Variants in MYRIP observed in about 807,000 individuals in gnomAD.
MYRIP encodes myosin VIIA and Rab interacting protein.
MYRIP carries 49 observed loss-of-function variants against 98.0 expected under a neutral mutation model. The ratio of observed to expected loss-of-function variants is 0.50; its 90% CI spans 0.40 to 0.63. The LOEUF (loss-of-function observed/expected upper bound fraction) is 0.63. Ranked by LOEUF, MYRIP falls within the 30% of genes least tolerant of loss-of-function variation. The probability of loss-of-function intolerance (pLI) is 0.00; values close to 1 mark genes in which losing one functional copy is unlikely to be tolerated. For missense variants in MYRIP, 1,004 were observed against 1,058.2 expected (o/e 0.95, Z 0.71); for synonymous variants, 404 against 409.5 (o/e 0.99, Z 0.16).
intron 2 of MYRIP, among the ~76,000 whole-genome samples, chr3:39,924,805 A>G (rs1944381588): frequency 1.3e-5 from 2 of 152,062 alleles, no homozygotes; most frequent in African/African-American, 4.8e-5. Flanking sequence ...CTACAGAAAA[A>G]TAAACAGGAA....
chr3:40,091,987 C>T (rs951060376), intron 3 of MYRIP, among the ~76,000 whole-genome samples: 1 of 152,190 alleles, frequency 6.6e-6, no homozygotes, highest in Admixed American at 6.5e-5. Context: ...CAAAGAGACA[C>T]ATTAGAATAC....
intron 1 of MYRIP, among the ~76,000 whole-genome samples, chr3:39,828,039 GT>G (rs1238963054): frequency 2.0e-5 from 3 of 151,968 alleles, no homozygotes; most frequent in Non-Finnish European, 2.9e-5. Context: ...ACTTTTGACA[GT>G]TTGACTGTAA....
intron 2 of MYRIP, among the ~76,000 whole-genome samples, chr3:39,960,249 A>G (rs1411170768): frequency 1.3e-5 from 2 of 152,144 alleles, no homozygotes; most frequent in Non-Finnish European, 2.9e-5. Context: ...TAGTCTGTTT[A>G]TAGTGTCAGT....
Position 40,101,807 on chromosome 3 carries a change from G to C in MYRIP, c.333-49241G>C, listed in dbSNP as rs182896296. 3.4e-3 allele frequency among the ~76,000 whole-genome samples: 511 copies of C among 151,682 alleles called. 3 individuals are homozygous for C. Among genetic ancestry groups the C allele is most frequent in the Non-Finnish European group, 5.7e-3 (385 of 67,888 alleles). Reference sequence around the variant, plus strand: ...TCCTTCAACTTTCTTTATTGTGTTTGTTTTGGTATTTATCTTTAACGATAG... The same window carrying C: ...TCCTTCAACTTTCTTTATTGTGTTTCTTTTGGTATTTATCTTTAACGATAG... On this transcript the variant is annotated intron_variant, in intron 3 of 16. Transcript: ENST00000302541.
intron 11 of MYRIP, among the ~76,000 whole-genome samples, chr3:40,216,589 A>G (rs1952125724): frequency 6.6e-6 from 1 of 152,180 alleles, no homozygotes. Context: ...AGAATGCAAA[A>G]TAAAGTGAAT....
At chr3:40,099,110 C>A (rs1460239474) in intron 3 of MYRIP, among the ~76,000 whole-genome samples, 1 of 152,146 alleles carries the variant, frequency 6.6e-6, no homozygotes, top group Non-Finnish European at 1.5e-5. Flanking sequence ...GTAGAACTTT[C>A]TGGTGACCAC....
intron 3 of MYRIP, among the ~76,000 whole-genome samples, chr3:40,149,984 T>A (rs996195250): frequency 6.6e-6 from 1 of 152,218 alleles, no homozygotes; most frequent in Non-Finnish European, 1.5e-5. Context: ...ATTATTACAT[T>A]TATAATAAGA....
At chr3:40,142,544 C>T (rs1342201159) in intron 3 of MYRIP, among the ~76,000 whole-genome samples, 2 of 152,260 alleles carry the variant, frequency 1.3e-5, no homozygotes, top group South Asian at 4.1e-4. Context: ...CACCTCGCAA[C>T]CTCTGCCTCC....
intron 2 of MYRIP, among the ~76,000 whole-genome samples, chr3:40,040,542 C>T (rs368127610): frequency 9.3e-5 from 6 of 64,376 alleles, no homozygotes; most frequent in Admixed American, 4.4e-4. Flanking sequence ...ATGTTTATTG[C>T]GGCACTATTC....
At chr3:39,933,161 G>T (rs756835975) in intron 2 of MYRIP, among the ~76,000 whole-genome samples, 4 of 152,126 alleles carry the variant, frequency 2.6e-5, no homozygotes, top group Non-Finnish European at 5.9e-5. Flanking sequence ...AACCTTTCGT[G>T]CAGGGTTTGA....
chr3:39,929,457 A>G (rs1035223914), intron 2 of MYRIP, among the ~76,000 whole-genome samples: 22 of 152,098 alleles, frequency 1.4e-4, no homozygotes, highest in Admixed American at 1.4e-3. Context: ...AGTGCGACCA[A>G]TAGGTCTAGT....
At chr3:40,048,204 A>G (rs1947710084) in intron 3 of MYRIP, among the ~76,000 whole-genome samples, 1 of 152,200 alleles carries the variant, frequency 6.6e-6, no homozygotes, top group Non-Finnish European at 1.5e-5. Context: ...TAGTAGGTCT[A>G]TGAGGTTACA....
intron 11 of MYRIP, among the ~76,000 whole-genome samples, chr3:40,212,203 T>TACAC (rs1559456707): frequency 8.8e-5 from 5 of 56,730 alleles, no homozygotes; most frequent in South Asian, 5.1e-4. Flanking sequence ...TACATATATA[T>TACAC]ACGTGTGTGT....
At chr3:39,982,755 C>T (rs754075158) in intron 2 of MYRIP, among the ~76,000 whole-genome samples, 1 of 152,076 alleles carries the variant, frequency 6.6e-6, no homozygotes, top group Non-Finnish European at 1.5e-5. Context: ...AAATCATCAT[C>T]CTAATTACCA....
intron 2 of MYRIP, among the ~76,000 whole-genome samples, chr3:39,998,431 G>C (rs1288725453): frequency 6.6e-6 from 1 of 152,134 alleles, no homozygotes; most frequent in Non-Finnish European, 1.5e-5. Flanking sequence ...ATTCGCAATT[G>C]CTTCAAAGAC....
At chr3:39,958,566 C>T (rs533739308) in intron 2 of MYRIP, among the ~76,000 whole-genome samples, 6 of 152,118 alleles carry the variant, frequency 3.9e-5, no homozygotes, top group African/African-American at 1.2e-4. Context: ...GACCTAAATC[C>T]ATAAAAACCA....
chr3:40,067,707 A>G (rs1948150302), intron 3 of MYRIP, among the ~76,000 whole-genome samples: 1 of 152,044 alleles, frequency 6.6e-6, no homozygotes, highest in Non-Finnish European at 1.5e-5. Context: ...GTCCACAAGA[A>G]AGTTAACTTC....
intron 2 of MYRIP, among the ~76,000 whole-genome samples, chr3:39,941,022 A>G (rs1232048685): frequency 2.0e-5 from 3 of 152,188 alleles, no homozygotes. Flanking sequence ...AAAGTGAATG[A>G]AAAAGGTAAA....
intron 3 of MYRIP, among the ~76,000 whole-genome samples, chr3:40,144,955 G>T (rs1264595045): frequency 6.6e-6 from 1 of 152,166 alleles, no homozygotes; most frequent in Non-Finnish European, 1.5e-5. Context: ...GTTGATTTAT[G>T]CATCTATGAA....
Sources: allele counts gnomAD v4.1 joint callset (sites outside exome capture counted in the v4.1 genomes callset), GRCh38; gene constraint gnomAD v4.1.1; transcripts MANE v1.5; gene names NCBI Gene and HGNC (gene_info 2026-07-23, HGNC 2026-07-21).